The following NPR1 variants were observed in gnomAD, a reference collection of about 807,000 sequenced individuals.
NPR1 encodes atrial natriuretic peptide receptor 1.
NPR1 carries 57 observed loss-of-function variants against 116.9 expected under a neutral mutation model. The ratio of observed to expected loss-of-function variants is 0.49; its 90% CI spans 0.39 to 0.61. The LOEUF is 0.61. NPR1 is among the 20% of genes least tolerant of loss of function. The pLI, the probability that NPR1 is intolerant of heterozygous loss-of-function variation, is 0.00. For missense variants in NPR1, 1,096 were observed against 1,409.8 expected (o/e 0.78, Z 3.56); for synonymous variants, 555 against 601.6 (o/e 0.92, Z 1.13).
Position 153,679,508 on chromosome 1 carries a change from G to C in NPR1, c.400G>C (p.Val134Leu). The C allele has an allele frequency of 6.5e-7, 1 of 1,536,682 alleles. No homozygotes were observed. Among genetic ancestry groups the C allele is most frequent in the Non-Finnish European group, 8.7e-7 (1 of 1,146,040 alleles). The part of the protein sequence containing the change: ...PVGRFTAHWR[V>L]PLLTAGAPAL... ...GGGGCGCTTCACCGCGCACTGGCGG[G>C]TCCCGCTGCTGACCGCCGGCGCCCC... The change falls in exon 1 of 22, where the codon GTC becomes CTC. Residue 134 changes from valine to leucine, a missense_variant. Coordinates refer to ENST00000368680, the MANE Select transcript of NPR1 (RefSeq NM_000906.4). The surrounding 1 kb of genome is among the most constrained non-coding windows in gnomAD (Gnocchi z 4.2).
rs144094762 is a variant in NPR1, at chr1:153,684,088, T to C, written c.1484+264T>C. Among the ~76,000 whole-genome samples the C allele has an allele frequency of 8.8e-3, 1,340 of 152,204 alleles. 12 individuals are homozygous for C. The highest frequency in any genetic ancestry group is 0.03 in the African/African-American group (1,244 of 41,520). ...GCAGAGAAGTTGATGGGTGACATCATAGGGGCGTGGACTGGTTTTCCTTGC... is the reference window on the plus strand; with the variant it reads ...GCAGAGAAGTTGATGGGTGACATCACAGGGGCGTGGACTGGTTTTCCTTGC... On this transcript the variant is annotated intron_variant, in intron 7 of 21. Coordinates refer to ENST00000368680, the MANE Select transcript of NPR1 (RefSeq NM_000906.4).
chr1:153,693,329 C>T (rs1188435643), intron 21 of NPR1, 23 bp from the exon 22 acceptor site: 3 of 1,611,686 alleles, frequency 1.9e-6, no homozygotes, highest in Non-Finnish European at 2.5e-6. Context: ...CACTCCCCAG[C>T]CCATCCTCTT....
Position 153,680,000 on chromosome 1 carries a change from T to C in NPR1, c.721+171T>C, listed in dbSNP as rs1365151637. 2.0e-5 allele frequency among the ~76,000 whole-genome samples: 3 copies of C among 152,058 alleles called. No homozygotes were observed. Among genetic ancestry groups the C allele is most frequent in the Admixed American group, 6.6e-5 (1 of 15,266 alleles). Reference sequence around the variant, plus strand: ...TTCTACAGCTGAGTTTCTATTTCCCTCTCTTCTTCCGCCACCCCCACCACG... The same window carrying C: ...TTCTACAGCTGAGTTTCTATTTCCCCCTCTTCTTCCGCCACCCCCACCACG... On this transcript the variant is annotated intron_variant, in intron 1 of 21. Transcript: ENST00000368680. This position sits in a 1 kb window ranked among gnomAD's most constrained non-coding sequence, Gnocchi z 4.2.
At position 153,690,770 on chromosome 1, in the gene NPR1, C is replaced by T. The variant is rs574739866; in HGVS notation, c.3031+388C>T. ...CAGCCTGACCAACATGATGAAATCCCGTCTCTACTAAAAATACAAAAAACT... is the reference window on the plus strand; with the variant it reads ...CAGCCTGACCAACATGATGAAATCCTGTCTCTACTAAAAATACAAAAAACT... On this transcript the variant is annotated intron_variant, in intron 20 of 21. Transcript: ENST00000368680. Among the ~76,000 whole-genome samples, 32 of 151,642 alleles carry T rather than the reference C, an allele frequency of 2.1e-4. No individual in the cohort carries two copies. In the South Asian group the frequency reaches 6.1e-3, roughly 29 times the overall value.
At position 153,689,890 on chromosome 1, in the gene NPR1, A is replaced by G. The variant is rs1215449686; in HGVS notation, c.2842A>G (p.Met948Val). ...GRLHACEVARMALALLDAVRS... is the reference protein window; with the variant it reads ...GRLHACEVARVALALLDAVRS... The stretch of plus-strand genomic sequence containing the variant: ...GCTACACGCCTGCGAGGTAGCCCGC[A>G]TGGCCCTGGCACTGCTGGATGCTGT... The change falls in exon 19 of 22, where the codon ATG becomes GTG. Residue 948 changes from methionine (M) to valine (V), a missense_variant. By Grantham distance (21) the Met-to-Val change is conservative. Transcript: ENST00000368680. The surrounding 1 kb of genome is among the most constrained non-coding windows in gnomAD (Gnocchi z 5.1). 1.8e-5 allele frequency: 29 copies of G among 1,580,208 alleles called. No homozygotes were observed. Among genetic ancestry groups the G allele is most frequent in the South Asian group, 1.3e-4 (11 of 86,838 alleles).
intron 15 of NPR1, among the ~76,000 whole-genome samples, chr1:153,688,462 C>G (rs1275450999): frequency 6.6e-6 from 1 of 152,194 alleles, no homozygotes. Flanking sequence ...ACCCCACACC[C>G]TTCCTGCCCA....
In NPR1 at chr1:153,689,430, T is replaced by C. The variant is rs1432621890; in HGVS notation, c.2689-23T>C. On this transcript the variant is annotated intron_variant, in intron 17 of 21. Transcript: ENST00000368680. The surrounding 1 kb of genome is among the most constrained non-coding windows in gnomAD (Gnocchi z 5.1). ...GGTGGGGTCCCCTACTTCCTGTCTC[T>C]CTTAGCTTCTCTTCCCTTCCAGGTG... The C allele has an allele frequency of 6.2e-7, 1 of 1,614,026 alleles. No individual in the cohort carries two copies. Among genetic ancestry groups the C allele is most frequent in the Non-Finnish European group, 8.5e-7 (1 of 1,179,902 alleles).
chr1:153,686,899 A>G (rs1453992027), intron 11 of NPR1, 117 bp from the exon 12 acceptor site: 9 of 1,283,438 alleles, frequency 7.0e-6, no homozygotes, highest in Non-Finnish European at 6.7e-6. Flanking sequence ...CAGTGGCACT[A>G]GAGTCAATCC....
Position 153,679,363 on chromosome 1 carries a change from C to T in NPR1, c.255C>T (p.Ser85=), listed in dbSNP as rs760426239. 96 of 1,539,334 alleles carry T rather than the reference C, an allele frequency of 6.2e-5. No homozygotes were observed. Among genetic ancestry groups the T allele is most frequent in the Non-Finnish European group, 7.8e-5 (89 of 1,148,300 alleles). ...CGGTCCGCACGGTGCTGGGCAGCAG[C>T]GAAAACGCGCTGGGCGTCTGCTCCG... ...GWTVRTVLGS[S]ENALGVCSDT... Residue 85 remains serine (S), a synonymous_variant, in exon 1 of 22, where the codon AGC becomes AGT. Transcript: ENST00000368680. This position sits in a 1 kb window ranked among gnomAD's most constrained non-coding sequence, Gnocchi z 4.2.
At position 153,678,915 on chromosome 1, in the gene NPR1, C is replaced by A; in HGVS notation, c.-194C>A. On this transcript the variant is annotated 5_prime_UTR_variant, in exon 1 of 22. Transcript: ENST00000368680. The surrounding 1 kb of genome is among the most constrained non-coding windows in gnomAD (Gnocchi z 5.8). ...TCCGCGGCGCCCTGCGCGCCCCCCT[C>A]GGTCGCGCCCCTTGCGCTCTCGGCC... 1.4e-6 allele frequency: 1 copy of A among 705,892 alleles called. No individual in the cohort carries two copies. Among genetic ancestry groups the A allele is most frequent in the Non-Finnish European group, 2.1e-6 (1 of 478,082 alleles). The allele number at this position is 705,892 out of a possible 1,614,324, so 43.7% of individuals were successfully genotyped here.
At chr1:153,692,998 G>A in intron 20 of NPR1, 108 bp from the exon 21 acceptor site, 1 of 882,224 alleles carries the variant, frequency 1.1e-6, no homozygotes, top group Non-Finnish European at 1.8e-6. Flanking sequence ...AGGGAGAGAG[G>A]GTACCTGTCC....
chr1:153,681,621 G>C, intron 3 of NPR1, 83 bp from the exon 4 acceptor site: 1 of 1,482,470 alleles, frequency 6.7e-7, no homozygotes, highest in Non-Finnish European at 9.2e-7. Context: ...CAAAATCCCA[G>C]TGCCTCTTGT....
At position 153,693,187 on chromosome 1, in the gene NPR1, T is replaced by C; in HGVS notation, c.3113T>C (p.Val1038Ala). The change falls in exon 21 of 22, where the codon GTA becomes GCA. Residue 1038 changes from valine to alanine, a missense_variant. Transcript: ENST00000368680. Reference protein sequence around the residue: ...GGFELELRGDVEMKGKGKVRT... With the variant: ...GGFELELRGDAEMKGKGKVRT... ...TTCGAGCTGGAGCTTCGAGGGGATGTAGAAATGAAGGTAGAGGGAGAAGCC... is the reference window on the plus strand; with the variant it reads ...TTCGAGCTGGAGCTTCGAGGGGATGCAGAAATGAAGGTAGAGGGAGAAGCC... The C allele has an allele frequency of 1.2e-6, 2 of 1,613,956 alleles. No homozygotes were observed. The highest frequency in any genetic ancestry group is 2.2e-5 in the East Asian group (1 of 44,878).
chr1:153,689,526 G>A lies in NPR1; in HGVS notation c.2757+5G>A, dbSNP rs1217412804. The A allele has an allele frequency of 1.2e-6, 2 of 1,613,228 alleles. No homozygotes were observed. The highest frequency in any genetic ancestry group is 2.7e-5 in the African/African-American group (2 of 74,922). On this transcript the variant is annotated splice_donor_5th_base_variant and intron_variant, in intron 18 of 21. Transcript: ENST00000368680. The surrounding 1 kb of genome is among the most constrained non-coding windows in gnomAD (Gnocchi z 5.1). ...GACAACTTTGATGTGTACAAGGTGA[G>A]GGTGGGAGTGGGGATGGGAAGGGAC...
intron 10 of NPR1, 122 bp from the exon 11 acceptor site, chr1:153,686,524 T>G (rs1669932609): frequency 1.2e-6 from 1 of 841,096 alleles, no homozygotes; most frequent in South Asian, 1.6e-5. Context: ...CCAGGGAAGA[T>G]CTTAGTGATG....
At position 153,688,527 on chromosome 1, in the gene NPR1, C is replaced by T. The variant is rs957074846; in HGVS notation, c.2417+306C>T. Among the ~76,000 whole-genome samples the T allele has an allele frequency of 4.6e-5, 7 of 152,286 alleles. No individual in the cohort carries two copies. The East Asian group carries it at 5.8e-4, about 13-fold the overall frequency. On this transcript the variant is annotated intron_variant, in intron 15 of 21. Transcript: ENST00000368680. ...CAGTGTGTAGGATAGATGGGCCTCC[C>T]GCCTCCTGCCCTGTAGGCTCTTGGC... is the stretch of plus-strand genomic sequence containing the variant.
rs1670032709 is a variant in NPR1 at position 153,689,548 on chromosome 1, G to C, written c.2757+27G>C. On this transcript the variant is annotated intron_variant, in intron 18 of 21. Coordinates refer to ENST00000368680, the MANE Select transcript of NPR1 (RefSeq NM_000906.4). This position sits in a 1 kb window ranked among gnomAD's most constrained non-coding sequence, Gnocchi z 5.1. ...TGAGGGTGGGAGTGGGGATGGGAAG[G>C]GACAGACAGACATGGACAAGGTCAG... The C allele has an allele frequency of 1.2e-6, 2 of 1,601,204 alleles. No individual in the cohort carries two copies. The highest frequency in any genetic ancestry group is 1.3e-5 in the African/African-American group (1 of 74,786).
rs1006416316 is a variant in NPR1 at position 153,689,856 on chromosome 1, G to A, written c.2808G>A (p.Arg936=). 7 of 1,594,308 alleles carry A rather than the reference G, an allele frequency of 4.4e-6. No individual in the cohort carries two copies. The highest frequency in any genetic ancestry group is 3.4e-5 in the Admixed American group (2 of 58,362). ...AYMVVSGLPV[R]NGRLHACEVA... ...TGGTGGTGTCAGGGCTCCCTGTGCG[G>A]AACGGGCGGCTACACGCCTGCGAGG... Residue 936 remains arginine (R), a synonymous_variant, in exon 19 of 22, where the codon CGG becomes CGA. Coordinates refer to ENST00000368680, the MANE Select transcript of NPR1 (RefSeq NM_000906.4). This position sits in a 1 kb window ranked among gnomAD's most constrained non-coding sequence, Gnocchi z 5.1.
rs1669971710 is a variant in NPR1, at chr1:153,687,746, G to A, written c.2205G>A (p.Arg735=). 6.2e-7 allele frequency: 1 copy of A among 1,602,220 alleles called. No individual in the cohort carries two copies. Among genetic ancestry groups the A allele is most frequent in the Non-Finnish European group, 8.5e-7 (1 of 1,170,554 alleles). The change falls in exon 14 of 22, where the codon AGG becomes AGA. Residue 735 remains arginine, a synonymous_variant. Transcript: ENST00000368680. ...FGIILQEIAL[R]SGVFHVEGLD... ...TCATCCTTCAGGAGATTGCCCTGAG[G>A]AGTGGGGTCTTCCACGTGGAAGGTT...
Sources: gnomAD v4.1 joint callset for allele counts (sites outside exome capture counted in the v4.1 genomes callset) on GRCh38, gnomAD v4.1.1 for gene constraint, Gnocchi (gnomAD v3.1) non-coding constraint, MANE v1.5 for transcripts, NCBI Gene and HGNC (gene_info 2026-07-23, HGNC 2026-07-21) for gene names.